NOL4: variants seen among roughly 807,000 people sequenced by gnomAD.
The protein encoded by NOL4 is cancer/testis antigen 125.
A neutral mutation model predicts 75.9 loss-of-function variants in NOL4; 17 were observed. The ratio of observed to expected loss-of-function variants is 0.22; its 90% CI spans 0.15 to 0.34. The LOEUF (loss-of-function observed/expected upper bound fraction) is 0.34, where lower values mean the gene tolerates loss of function less well. Ranked by LOEUF, NOL4 falls within the 10% of genes least tolerant of loss-of-function variation. NOL4 has a pLI of 1.00. For synonymous variants in NOL4, 292 were observed against 289.9 expected, an observed-to-expected ratio of 1.01 and a Z score of -0.07; for missense variants, 614 against 793.5, an observed-to-expected ratio of 0.77 and a Z score of 2.72.
intron 1 of NOL4, among the ~76,000 whole-genome samples, chr18:34,134,914 CAA>C (rs1233269008): frequency 2.6e-5 from 4 of 152,034 alleles, no homozygotes; most frequent in Non-Finnish European, 5.9e-5. Flanking sequence ...TGAATGAAAA[CAA>C]AGACACAACA....
intron 1 of NOL4, among the ~76,000 whole-genome samples, chr18:34,206,797 T>A (rs972464729): frequency 1.3e-5 from 2 of 152,146 alleles, no homozygotes; most frequent in Non-Finnish European, 2.9e-5. Flanking sequence ...TTTTTCTATT[T>A]TTTTTATCTA....
At chr18:33,946,966 GCAAT>G (rs1297231699) in intron 8 of NOL4, among the ~76,000 whole-genome samples, 1 of 151,564 alleles carries the variant, frequency 6.6e-6, no homozygotes, top group Non-Finnish European at 1.5e-5. Flanking sequence ...CTCCTGTGAG[GCAAT>G]CATGCTAAAA....
At chr18:34,175,516 T>C (rs899895661) in intron 1 of NOL4, among the ~76,000 whole-genome samples, 1 of 152,136 alleles carries the variant, frequency 6.6e-6, no homozygotes, top group African/African-American at 2.4e-5. Context: ...TGTACAGATA[T>C]ATGTGCATGC....
At chr18:34,137,779 T>TATACACACAC (rs1354745785) in intron 1 of NOL4, among the ~76,000 whole-genome samples, 33,554 of 146,918 alleles carry the variant, frequency 0.23, 3,952 homozygotes, top group East Asian at 0.34. Flanking sequence ...ATATACGAAA[T>TATACACACAC]ACACACACAC....
At chr18:33,879,266 T>G (rs2064114850) in intron 10 of NOL4, among the ~76,000 whole-genome samples, 1 of 152,120 alleles carries the variant, frequency 6.6e-6, no homozygotes, top group Admixed American at 6.6e-5. Context: ...TACATAAACT[T>G]TTTTTAAAAA....
At chr18:34,037,677 G>A (rs535093892) in intron 5 of NOL4, among the ~76,000 whole-genome samples, 4 of 151,918 alleles carry the variant, frequency 2.6e-5, no homozygotes, top group East Asian at 1.9e-4. Flanking sequence ...CACCCTCTTC[G>A]ATACACATAC....
intron 1 of NOL4, among the ~76,000 whole-genome samples, chr18:34,131,869 C>A (rs1273341472): frequency 2.0e-5 from 3 of 152,152 alleles, no homozygotes; most frequent in African/African-American, 4.8e-5. Context: ...GTGAAGCTTA[C>A]AGTTTAATGC....
chr18:34,208,786 T>C (rs2036300312), intron 1 of NOL4, among the ~76,000 whole-genome samples: 2 of 151,768 alleles, frequency 1.3e-5, no homozygotes. Flanking sequence ...CACTTGAACC[T>C]AGGAGGCGGA....
intron 9 of NOL4, among the ~76,000 whole-genome samples, chr18:33,918,903 AAC>A (rs2145237200): frequency 6.6e-6 from 1 of 152,300 alleles, no homozygotes; most frequent in South Asian, 2.1e-4. Context: ...GGCCAAATAA[AAC>A]ACTTTTGCCA....
chr18:34,037,786 A>C (rs1368450235), intron 5 of NOL4, among the ~76,000 whole-genome samples: 1 of 152,144 alleles, frequency 6.6e-6, no homozygotes, highest in Non-Finnish European at 1.5e-5. Context: ...ACTTACACTT[A>C]CCCAAAATTA....
chr18:34,058,627 C>T (rs559972263), intron 5 of NOL4, among the ~76,000 whole-genome samples: 17 of 152,168 alleles, frequency 1.1e-4, no homozygotes, highest in African/African-American at 3.4e-4. Flanking sequence ...CATATTCCAT[C>T]GTAATTATCA....
chr18:34,202,965 T>C (rs2035841106), intron 1 of NOL4, among the ~76,000 whole-genome samples: 1 of 152,028 alleles, frequency 6.6e-6, no homozygotes, highest in African/African-American at 2.4e-5. Context: ...AAAGGTGTGC[T>C]CACACAAAAT....
At chr18:33,970,775 C>A (rs1009226070) in intron 6 of NOL4, among the ~76,000 whole-genome samples, 2 of 151,368 alleles carry the variant, frequency 1.3e-5, no homozygotes, top group African/African-American at 4.9e-5. Context: ...GTGTCAGTGG[C>A]AACTTTGTAT....
chr18:33,935,581 A>G (rs7241176), intron 9 of NOL4, among the ~76,000 whole-genome samples: 47,128 of 151,940 alleles, frequency 0.31, 7,777 homozygotes, highest in Non-Finnish European at 0.37. Flanking sequence ...AGCAGATATA[A>G]TCATGATGAA....
At chr18:34,211,261 G>C (rs2036496995) in intron 1 of NOL4, among the ~76,000 whole-genome samples, 1 of 152,144 alleles carries the variant, frequency 6.6e-6, no homozygotes, top group Non-Finnish European at 1.5e-5. Flanking sequence ...TAAACTAATT[G>C]ATTGTGATGG....
chr18:33,903,715 C>T (rs936112552), intron 9 of NOL4, among the ~76,000 whole-genome samples: 1 of 152,176 alleles, frequency 6.6e-6, no homozygotes, highest in Non-Finnish European at 1.5e-5. Context: ...TACCTGTGAG[C>T]TTCCTTTTTC....
rs192014198 is a variant in NOL4 at position 33,874,781 on chromosome 18, G to T, written c.1723+8463C>A. 1.4e-4 allele frequency among the ~76,000 whole-genome samples: 21 copies of T among 152,100 alleles called. No individual in the cohort carries two copies. The East Asian group carries it at 3.9e-3, about 28-fold the overall frequency. The stretch of plus-strand genomic sequence containing the variant: ...ATGAAAAATATGTTTCAGAATGCTG[G>T]TTTCTGGCACTATCAACACACACAG... On this transcript the variant is annotated intron_variant, in intron 10 of 10. Transcript: ENST00000261592.
At position 33,874,565 on chromosome 18, in the gene NOL4, C is replaced by T. The variant is rs78158763; in HGVS notation, c.1723+8679G>A. The stretch of plus-strand genomic sequence containing the variant: ...TTCTAATCATCAAGATTCAAATATG[C>T]TTAAGAAATCTAGTCAAGTAAAGAG... On this transcript the variant is annotated intron_variant, in intron 10 of 10. Transcript: ENST00000261592. 1.2e-3 allele frequency among the ~76,000 whole-genome samples: 181 copies of T among 151,974 alleles called. 1 individual carries two copies. Among genetic ancestry groups the T allele is most frequent in the African/African-American group, 4.2e-3 (175 of 41,508 alleles).
At chr18:33,918,870 G>A (rs753535082) in intron 9 of NOL4, among the ~76,000 whole-genome samples, 9 of 152,052 alleles carry the variant, frequency 5.9e-5, no homozygotes, top group Admixed American at 1.3e-4. Context: ...GCATTCAAAT[G>A]TAACATTTTG....
Sources: gnomAD v4.1 joint callset for allele counts (sites outside exome capture counted in the v4.1 genomes callset) on GRCh38, gnomAD v4.1.1 for gene constraint, MANE v1.5 for transcripts, NCBI Gene and HGNC (gene_info 2026-07-23, HGNC 2026-07-21) for gene names.